The following CNTROB variants were observed in gnomAD, a reference collection of about 807,000 sequenced individuals.
CNTROB encodes the protein centrobin.
Under a neutral mutation model 115.7 loss-of-function variants are expected in CNTROB, and 82 were observed. That is an observed-to-expected ratio of 0.71 (90% CI 0.59 to 0.85). The LOEUF (loss-of-function observed/expected upper bound fraction) is 0.85, where lower values mean the gene tolerates loss of function less well. Ranked by LOEUF, CNTROB falls within the 40% of genes least tolerant of loss-of-function variation. The pLI, the probability that CNTROB is intolerant of heterozygous loss-of-function variation, is 0.00. For synonymous variants in CNTROB, 439 were observed against 456.4 expected, an observed-to-expected ratio of 0.96 and a Z score of 0.49; for missense variants, 1,014 against 1,144.4, an observed-to-expected ratio of 0.89 and a Z score of 1.64.
Position 7,948,063 on chromosome 17 carries a change from G to T in CNTROB, c.2209+84G>T, listed in dbSNP as rs1482078690. The stretch of plus-strand genomic sequence containing the variant: ...ATCTAGGATGAATTTTTAGGAGCTG[G>T]CAAAAGTAATAAAGCCTTATAAATG... On this transcript the variant is annotated intron_variant, in intron 15 of 18. Transcript: ENST00000563694. This position sits in a 1 kb window ranked among gnomAD's most constrained non-coding sequence, Gnocchi z 4.4. 3 of 1,598,326 alleles carry T rather than the reference G, an allele frequency of 1.9e-6. No homozygotes were observed. The East Asian group carries it at 6.7e-5, about 36-fold the overall frequency.
At chr17:7,934,444 G>T (rs1391366658) in intron 2 of CNTROB, 21 bp from the exon 3 acceptor site, 1 of 1,612,370 alleles carries the variant, frequency 6.2e-7, no homozygotes, top group Non-Finnish European at 8.5e-7. Flanking sequence ...CTGGCTTTGG[G>T]GTCCCTCTGG....
Position 7,943,348 on chromosome 17 carries a change from C to T in CNTROB, c.1312-43C>T, listed in dbSNP as rs780545598. 5.2e-6 allele frequency: 8 copies of T among 1,532,948 alleles called. No homozygotes were observed. The highest frequency in any genetic ancestry group is 6.3e-6 in the Non-Finnish European group (7 of 1,112,046). The allele number at this position is 1,532,948 out of a possible 1,614,324, so 95.0% of individuals were successfully genotyped here. On this transcript the variant is annotated intron_variant, in intron 9 of 18. Transcript: ENST00000563694. This position sits in a 1 kb window ranked among gnomAD's most constrained non-coding sequence, Gnocchi z 4.7. ...ATTATATCCTCCATCCTCTTCTAAGCCCAAACAGATTTGGGCCGTTATCCC... is the reference window on the plus strand; with the variant it reads ...ATTATATCCTCCATCCTCTTCTAAGTCCAAACAGATTTGGGCCGTTATCCC...
intron 5 of CNTROB, 40 bp downstream of exon 5, chr17:7,936,522 G>A (rs1973198033): frequency 1.2e-6 from 1 of 838,572 alleles, no homozygotes; most frequent in African/African-American, 1.7e-5. Context: ...TCTCCATGAA[G>A]AGCATTAAGG....
In CNTROB at chr17:7,939,578, G is replaced by C; in HGVS notation, c.993G>C (p.Gln331His). Residue 331 changes from glutamine (Q) to histidine (H), a missense_variant, in exon 8 of 19, where the codon CAG becomes CAC. Gln to His is a conservative substitution (Grantham distance 24). Transcript: ENST00000563694. The surrounding 1 kb of genome is among the most constrained non-coding windows in gnomAD (Gnocchi z 4.4). Reference sequence around the variant, plus strand: ...AACAGCAGCGGTGCTGTGTCCTGCAGGAAGAGCGGGATGCAGCTCGGGCTG... The same window carrying C: ...AACAGCAGCGGTGCTGTGTCCTGCACGAAGAGCGGGATGCAGCTCGGGCTG... ...EAEQQRCCVL[Q>H]EERDAARAGQ... 1 of 1,614,178 alleles carries C rather than the reference G, an allele frequency of 6.2e-7. No homozygotes were observed. Among genetic ancestry groups the C allele is most frequent in the Non-Finnish European group, 8.5e-7 (1 of 1,180,032 alleles).
In CNTROB at chr17:7,937,155, T is replaced by C; in HGVS notation, c.829-9T>C. Reference sequence around the variant, plus strand: ...GTTCCTCTGCCCTGTATTCCTCTCTTCCTGAAAGACAGTAACCCGCCTGGA... The same window carrying C: ...GTTCCTCTGCCCTGTATTCCTCTCTCCCTGAAAGACAGTAACCCGCCTGGA... On this transcript the variant is annotated splice_polypyrimidine_tract_variant and intron_variant, in intron 6 of 18. Coordinates refer to ENST00000563694, the MANE Select transcript of CNTROB (RefSeq NM_053051.5). The C allele has an allele frequency of 6.2e-7, 1 of 1,614,126 alleles. No individual in the cohort carries two copies. The highest frequency in any genetic ancestry group is 8.5e-7 in the Non-Finnish European group (1 of 1,179,982).
chr17:7,949,583 A>C lies in CNTROB; in HGVS notation c.*73A>C, dbSNP rs559806819. On this transcript the variant is annotated 3_prime_UTR_variant, in exon 19 of 19. Transcript: ENST00000563694. ...ATAAATGCTCATTAGTCTGTATCAG[A>C]GTCTCTGGCTCATAGGAATTTGGAA... The C allele has an allele frequency of 3.1e-5, 44 of 1,440,554 alleles. No homozygotes were observed. The East Asian group carries it at 1.0e-3, about 34-fold the overall frequency. 89.2% of individuals were successfully genotyped at this position (1,440,554 alleles called of 1,614,324 possible). A position where few individuals can be genotyped will look rare whatever the true frequency, so the allele number is the denominator to read the frequency against.
rs781270883 is a variant in CNTROB, at chr17:7,939,749, G to T, written c.1164G>T (p.Lys388Asn). The change falls in exon 8 of 19, where the codon AAG (lysine) becomes AAT (asparagine). Residue 388 changes from lysine to asparagine, a missense_variant and splice_region_variant. Transcript: ENST00000563694. The surrounding 1 kb of genome is among the most constrained non-coding windows in gnomAD (Gnocchi z 4.4). ...GCCAGGCTCAGCTGGAAAGGGAGAA[G>T]GTAAAAGTGGCAGTTGGAAGAGCTG... ...EESQAQLERE[K>N]EKSQREAQAA... The T allele has an allele frequency of 6.2e-7, 1 of 1,613,560 alleles. No homozygotes were observed. Among genetic ancestry groups the T allele is most frequent in the Non-Finnish European group, 8.5e-7 (1 of 1,179,702 alleles).
rs1567904879 is a variant in CNTROB, at chr17:7,933,365, CT to C, written c.270+18del. The C allele has an allele frequency of 3.1e-6, 5 of 1,603,184 alleles. No individual in the cohort carries two copies. The highest frequency in any genetic ancestry group is 4.3e-6 in the Non-Finnish European group (5 of 1,173,826). ...GAAGAAAAAGGTGAGGGAAGTGTGTCTTGGAGACCACTGTGGCACTAGACAC... is the reference window on the plus strand; with the variant it reads ...GAAGAAAAAGGTGAGGGAAGTGTGTCTGGAGACCACTGTGGCACTAGACAC... On this transcript the variant is annotated intron_variant, in intron 1 of 18. Transcript: ENST00000563694.
intron 9 of CNTROB, 48 bp downstream of exon 9, chr17:7,940,290 C>T: frequency 6.5e-7 from 1 of 1,531,300 alleles, no homozygotes; most frequent in Non-Finnish European, 8.8e-7. Context: ...AGAAGTAGAT[C>T]TGAGGCAGAG....
rs370915500 is a variant in CNTROB at position 7,949,377 on chromosome 17, A to G, written c.2587-8A>G. ...TGATTTCTTCCTCTCTCTTCCCTCA[A>G]CTCTCAGATTCCCTCCCAGGCTGTC... On this transcript the variant is annotated splice_polypyrimidine_tract_variant and splice_region_variant and intron_variant, in intron 18 of 18. Transcript: ENST00000563694. 2.3e-4 allele frequency: 376 copies of G among 1,613,190 alleles called. 2 individuals are homozygous for G. Among genetic ancestry groups the G allele is most frequent in the Non-Finnish European group, 2.7e-4 (320 of 1,179,620 alleles).
At chr17:7,934,810 T>A in intron 3 of CNTROB, 179 bp from the exon 4 acceptor site, 1 of 780,570 alleles carries the variant, frequency 1.3e-6, no homozygotes, top group South Asian at 1.9e-5. Context: ...TGCTGAAACC[T>A]TTAAGTGAAT....
chr17:7,940,111 G>A lies in CNTROB; in HGVS notation c.1180G>A (p.Glu394Lys). Reference protein sequence around the residue: ...LEREKEKSQREAQAAWETQHQ... With the variant: ...LEREKEKSQRKAQAAWETQHQ... ...TCTTTCATAGGAGAAGAGCCAGAGG[G>A]AAGCCCAGGCCGCCTGGGAGACCCA... Residue 394 changes from glutamate (E) to lysine (K), a missense_variant, in exon 9 of 19, where the codon GAA becomes AAA. Physicochemically the swap from Glu to Lys is moderately conservative, Grantham distance 56 (BLOSUM62 1). Transcript: ENST00000563694. The A allele has an allele frequency of 1.2e-6, 2 of 1,603,934 alleles. No individual in the cohort carries two copies. Among genetic ancestry groups the A allele is most frequent in the Non-Finnish European group, 1.7e-6 (2 of 1,176,208 alleles).
rs555473171 is a variant in CNTROB at position 7,947,567 on chromosome 17, A to G, written c.1994-4A>G. 3 of 1,597,986 alleles carry G rather than the reference A, an allele frequency of 1.9e-6. No individual in the cohort carries two copies. The highest frequency in any genetic ancestry group is 1.1e-5 in the South Asian group (1 of 89,936). On this transcript the variant is annotated splice_region_variant and splice_polypyrimidine_tract_variant and intron_variant, in intron 13 of 18. Coordinates refer to ENST00000563694, the MANE Select transcript of CNTROB (RefSeq NM_053051.5). Reference sequence around the variant, plus strand: ...CACCCACCCATACCTGTTTCACTTTATAGCTGGGGCCTTCTCTGCACTTGG... The same window carrying G: ...CACCCACCCATACCTGTTTCACTTTGTAGCTGGGGCCTTCTCTGCACTTGG...
rs556652375 is a variant in CNTROB at position 7,948,773 on chromosome 17, C to T, written c.2513+154C>T. 1 of 1,562,176 alleles carries T rather than the reference C, an allele frequency of 6.4e-7. No homozygotes were observed. The highest frequency in any genetic ancestry group is 2.3e-5 in the East Asian group (1 of 43,468). ...TGGATCCACAGATCTTCTCTAACTG[C>T]CCCACACTTTTCTTTTATCTCCTCC... On this transcript the variant is annotated intron_variant, in intron 17 of 18. Coordinates refer to ENST00000563694, the MANE Select transcript of CNTROB (RefSeq NM_053051.5). This position sits in a 1 kb window ranked among gnomAD's most constrained non-coding sequence, Gnocchi z 4.4.
intron 7 of CNTROB, 130 bp downstream of exon 7, chr17:7,937,392 C>G: frequency 9.7e-7 from 1 of 1,030,766 alleles, no homozygotes; most frequent in Non-Finnish European, 1.4e-6. Flanking sequence ...AAGTGTGTTC[C>G]TTAGAACACT....
At position 7,932,846 on chromosome 17, in the gene CNTROB, C is replaced by G. The variant is rs1383976816; in HGVS notation, c.-234C>G. On this transcript the variant is annotated 5_prime_UTR_variant, in exon 1 of 19. Transcript: ENST00000563694. ...CGCTCTGCGCTGCACCCTCTTAACG[C>G]TGTTCCCAGGAGCTGGGGAAAGGGA... The G allele has an allele frequency of 7.1e-6, 4 of 564,674 alleles. No homozygotes were observed. Among genetic ancestry groups the G allele is most frequent in the Non-Finnish European group, 9.4e-6 (3 of 318,610 alleles). The allele number at this position is 564,674 out of a possible 1,614,324, so 35.0% of individuals were successfully genotyped here.
Position 7,934,189 on chromosome 17 carries a change from A to T in CNTROB, c.322A>T (p.Thr108Ser). 1.2e-6 allele frequency: 2 copies of T among 1,614,148 alleles called. No homozygotes were observed. The highest frequency in any genetic ancestry group is 1.7e-6 in the Non-Finnish European group (2 of 1,180,010). Residue 108 changes from threonine (T) to serine (S), a missense_variant, in exon 2 of 19, where the codon ACC (threonine) becomes TCC (serine). Thr to Ser is a moderately conservative substitution (Grantham distance 58). Coordinates refer to ENST00000563694, the MANE Select transcript of CNTROB (RefSeq NM_053051.5). ...EMESVRGQLQ[T>S]MLQTSRDTAY... The stretch of plus-strand genomic sequence containing the variant: ...GGAAAGTGTTCGGGGTCAGCTCCAG[A>T]CCATGCTCCAAACCTCACGTGATAC...
intron 4 of CNTROB, 76 bp downstream of exon 4, chr17:7,935,221 G>A (rs1460972196): frequency 1.2e-6 from 2 of 1,601,518 alleles, no homozygotes; most frequent in Non-Finnish European, 1.7e-6. Flanking sequence ...AGGGCTGAGG[G>A]GGCCTGGCGT....
upstream of CNTROB, chr17:7,932,128 A>G: frequency 6.3e-6 from 3 of 475,278 alleles, no homozygotes; most frequent in South Asian, 2.3e-5. Flanking sequence ...CGCTCGGGAT[A>G]CAGAAGTGAT....
Sources: gnomAD v4.1 joint callset for allele counts on GRCh38, gnomAD v4.1.1 for gene constraint, Gnocchi (gnomAD v3.1) non-coding constraint, MANE v1.5 for transcripts, NCBI Gene and HGNC (gene_info 2026-07-23, HGNC 2026-07-21) for gene names.